Variants in GPHN observed in about 807,000 individuals in gnomAD.
GPHN encodes the protein gephyrin.
In GPHN, 17 loss-of-function variants were observed where a neutral mutation model predicts 95.5. That is an observed-to-expected ratio of 0.18 (90% CI 0.12 to 0.27). The LOEUF (loss-of-function observed/expected upper bound fraction) is 0.27, where lower values mean the gene tolerates loss of function less well. Ranked by LOEUF, GPHN falls within the 10% of genes least tolerant of loss-of-function variation. The pLI is 1.00. For missense variants in GPHN, 660 were observed against 978.1 expected, an observed-to-expected ratio of 0.67 and a Z score of 4.34; for synonymous variants, 320 against 322.5, an observed-to-expected ratio of 0.99 and a Z score of 0.08.
At chr14:66,568,796 G>T (rs2140340525) in intron 1 of GPHN, among the ~76,000 whole-genome samples, 1 of 151,944 alleles carries the variant, frequency 6.6e-6, no homozygotes, top group Admixed American at 6.6e-5. Flanking sequence ...CTAGGGCAAA[G>T]CATTTCAAAT....
chr14:66,685,220 T>C (rs1216414425), intron 2 of GPHN, among the ~76,000 whole-genome samples: 1 of 152,200 alleles, frequency 6.6e-6, no homozygotes, highest in Non-Finnish European at 1.5e-5. Flanking sequence ...ATGTGTGCCA[T>C]GTGTCTTTAT....
chr14:67,246,812 C>T, the GPHN span, among the ~76,000 whole-genome samples: 1 of 152,060 alleles, frequency 6.6e-6, no homozygotes, highest in African/African-American at 2.4e-5. Context: ...CCACCACGCC[C>T]AGCTAATTTT....
At chr14:67,376,666 A>G in the GPHN span, 1 of 1,483,266 alleles carries the variant, frequency 6.7e-7, no homozygotes, top group African/African-American at 1.4e-5. Context: ...CATAGCATCC[A>G]TGTATAAAAT....
At chr14:67,578,949 C>G in the GPHN span, among the ~76,000 whole-genome samples, 1 of 152,184 alleles carries the variant, frequency 6.6e-6, no homozygotes, top group Admixed American at 6.5e-5. This position sits in a 1 kb window ranked among gnomAD's most constrained non-coding sequence, Gnocchi z 5.0. Flanking sequence ...AATATCCATG[C>G]CAGCAACCTG....
the GPHN span, among the ~76,000 whole-genome samples, chr14:67,458,199 G>A: frequency 3.3e-5 from 5 of 152,202 alleles, no homozygotes; most frequent in East Asian, 1.9e-4. Flanking sequence ...ATTAGAGTGC[G>A]TACAGGGTGA....
chr14:66,564,038 A>T (rs1249004846), intron 1 of GPHN, among the ~76,000 whole-genome samples: 2 of 151,998 alleles, frequency 1.3e-5, no homozygotes, highest in Non-Finnish European at 2.9e-5. Flanking sequence ...AACGTATATG[A>T]CTCTCTAATG....
Position 66,924,202 on chromosome 14 carries a change from A to G in GPHN, c.738A>G (p.Pro246=). 2 of 1,590,642 alleles carry G rather than the reference A, an allele frequency of 1.3e-6. No individual in the cohort carries two copies. The highest frequency in any genetic ancestry group is 1.7e-6 in the Non-Finnish European group (2 of 1,158,622). The change falls in exon 8 of 23, where the codon CCA becomes CCG. Residue 246 remains proline, a synonymous_variant. Transcript: ENST00000478722. ...TATGTGTTGTGCATTAGAAGCATCC[A>G]TTCTACACCAGTCCTGCTGTTGTCA... ...TAAAIAAKKH[P]FYTSPAVVMA...
chr14:66,638,485 TAAAAG>T (rs995219523), intron 1 of GPHN, among the ~76,000 whole-genome samples: 2 of 151,918 alleles, frequency 1.3e-5, no homozygotes, highest in East Asian at 3.9e-4. Flanking sequence ...AACAATGAAA[TAAAAG>T]GAAAATGGGA....
chr14:66,748,733 T>C (rs2153446533), intron 2 of GPHN, among the ~76,000 whole-genome samples: 1 of 151,904 alleles, frequency 6.6e-6, no homozygotes, highest in South Asian at 2.1e-4. Flanking sequence ...ATCTAAACAT[T>C]AAATTTATTT....
At chr14:67,267,608 T>C in the GPHN span, among the ~76,000 whole-genome samples, 2 of 152,322 alleles carry the variant, frequency 1.3e-5, no homozygotes, top group South Asian at 2.1e-4. Flanking sequence ...TTTATTGAGG[T>C]ATAATTTATA....
intron 1 of GPHN, among the ~76,000 whole-genome samples, chr14:66,678,481 GT>G (rs894827565): frequency 1.6e-4 from 22 of 133,460 alleles, no homozygotes; most frequent in Middle Eastern, 4.1e-3. Flanking sequence ...ATCACCAGTT[GT>G]TTTTTTTTTC....
chr14:67,585,788 C>T, the GPHN span: 10 of 1,008,922 alleles, frequency 9.9e-6, no homozygotes, highest in African/African-American at 8.0e-5. Context: ...AGCACCAGTC[C>T]TCTAGTCTAG....
intron 3 of GPHN, among the ~76,000 whole-genome samples, chr14:66,816,385 T>C (rs941023709): frequency 3.9e-5 from 6 of 152,160 alleles, no homozygotes; most frequent in African/African-American, 1.4e-4. Flanking sequence ...TATCCTAAAA[T>C]TGATCACATC....
At chr14:67,595,059 C>T in the GPHN span, among the ~76,000 whole-genome samples, 6 of 151,708 alleles carry the variant, frequency 4.0e-5, no homozygotes, top group Non-Finnish European at 8.8e-5. Flanking sequence ...ATGGCGTGAA[C>T]CCAGGAGGTG....
intron 2 of GPHN, among the ~76,000 whole-genome samples, chr14:66,710,364 A>G (rs1203976041): frequency 2.6e-5 from 4 of 152,164 alleles, no homozygotes; most frequent in Non-Finnish European, 5.9e-5. Context: ...AAAACATTGT[A>G]CATATTATAT....
chr14:67,419,087 C>T, the GPHN span, among the ~76,000 whole-genome samples: 1 of 152,196 alleles, frequency 6.6e-6, no homozygotes, highest in African/African-American at 2.4e-5. Flanking sequence ...CAGCTGTGTG[C>T]ACGGGCAGGG....
At chr14:67,050,493 A>G (rs77936678) in intron 10 of GPHN, among the ~76,000 whole-genome samples, 1,875 of 152,344 alleles carry the variant, frequency 0.012, 19 homozygotes, top group Non-Finnish European at 0.018. Context: ...TCTGTCTTCA[A>G]TGAGTTTACC....
At chr14:67,618,412 C>G in the GPHN span, among the ~76,000 whole-genome samples, 1 of 152,256 alleles carries the variant, frequency 6.6e-6, no homozygotes, top group South Asian at 2.1e-4. Flanking sequence ...CTCACTCTGT[C>G]ACTCAGGCTG....
chr14:67,045,527 G>A (rs968396598), intron 10 of GPHN, among the ~76,000 whole-genome samples: 1 of 147,692 alleles, frequency 6.8e-6, no homozygotes, highest in Non-Finnish European at 1.5e-5. Flanking sequence ...CTCTCTCTGT[G>A]TATTTGTCTC....
Sources: gnomAD v4.1 joint callset for allele counts (sites outside exome capture counted in the v4.1 genomes callset) on GRCh38, gnomAD v4.1.1 for gene constraint, Gnocchi (gnomAD v3.1) non-coding constraint, MANE v1.5 for transcripts, NCBI Gene and HGNC (gene_info 2026-07-23, HGNC 2026-07-21) for gene names.